Variants in TFCP2 observed in about 807,000 individuals in gnomAD.
The protein encoded by TFCP2 is alpha-globin transcription factor CP2.
Under a neutral mutation model 73.4 loss-of-function variants are expected in TFCP2, and 33 were observed. That is an observed-to-expected ratio of 0.45 (90% confidence interval 0.34 to 0.60). The LOEUF (loss-of-function observed/expected upper bound fraction) is 0.60, where lower values mean the gene tolerates loss of function less well. Among genes scored for constraint, TFCP2 ranks in the 20% least tolerant of loss-of-function variants. The pLI is 0.01. For synonymous variants in TFCP2, 193 were observed against 211.6 expected, an observed-to-expected ratio of 0.91 and a Z score of 0.76; for missense variants, 352 against 604.0, an observed-to-expected ratio of 0.58 and a Z score of 4.37.
intron 1 of TFCP2, among the ~76,000 whole-genome samples, chr12:51,156,365 T>TA (rs1941538222): frequency 1.3e-5 from 2 of 151,838 alleles, no homozygotes; most frequent in Admixed American, 1.3e-4. Flanking sequence ...GTGCCACACT[T>TA]AAACAACCAG....
At chr12:51,151,019 G>A (rs1043932722) in intron 1 of TFCP2, among the ~76,000 whole-genome samples, 1 of 152,116 alleles carries the variant, frequency 6.6e-6, no homozygotes. Flanking sequence ...GGGGGAGGAG[G>A]CTCTTGCTAT....
At chr12:51,135,421 T>TCA (rs1173863052) in intron 1 of TFCP2, among the ~76,000 whole-genome samples, 8 of 47,544 alleles carry the variant, frequency 1.7e-4, no homozygotes, top group Non-Finnish European at 4.0e-4. Context: ...AGTGAGACTG[T>TCA]CACACACACA....
intron 10 of TFCP2, 40 bp downstream of exon 10, chr12:51,103,630 A>T: frequency 6.4e-7 from 1 of 1,568,058 alleles, no homozygotes; most frequent in Non-Finnish European, 8.8e-7. Context: ...GCAAAGGAAA[A>T]TTTCATGCTA....
At chr12:51,128,981 T>A (rs1940878507) in intron 1 of TFCP2, among the ~76,000 whole-genome samples, 2 of 152,022 alleles carry the variant, frequency 1.3e-5, no homozygotes, top group Non-Finnish European at 2.9e-5. Flanking sequence ...TATAAAGTCA[T>A]AAGCTTAGAA....
intron 14 of TFCP2, 92 bp from the exon 15 acceptor site, chr12:51,095,370 G>T (rs1448067569): frequency 1.0e-5 from 14 of 1,361,598 alleles, no homozygotes; most frequent in African/African-American, 1.4e-5. Context: ...CGTGAGAAGG[G>T]GAGAAAAGGG....
At chr12:51,167,790 G>T (rs11169731) in intron 1 of TFCP2, among the ~76,000 whole-genome samples, 1 of 151,968 alleles carries the variant, frequency 6.6e-6, no homozygotes. Flanking sequence ...CCTGGGAACC[G>T]CGGCTGACAT....
intron 1 of TFCP2, among the ~76,000 whole-genome samples, chr12:51,132,659 G>A (rs529841036): frequency 7.2e-5 from 11 of 152,028 alleles, no homozygotes; most frequent in East Asian, 3.9e-4. Flanking sequence ...ATGAGCCACC[G>A]TGCCCGGCCG....
intron 8 of TFCP2, among the ~76,000 whole-genome samples, chr12:51,105,434 C>T (rs1293313627): frequency 6.6e-6 from 1 of 152,146 alleles, no homozygotes; most frequent in African/African-American, 2.4e-5. Flanking sequence ...TGTCCCTCTT[C>T]CCTAATGCCT....
intron 1 of TFCP2, among the ~76,000 whole-genome samples, chr12:51,131,100 C>A (rs922105169): frequency 6.6e-6 from 1 of 150,586 alleles, no homozygotes; most frequent in Non-Finnish European, 1.5e-5. Flanking sequence ...GAGGCCGAGG[C>A]GGGCGGATCA....
intron 13 of TFCP2, 126 bp from the exon 14 acceptor site, chr12:51,096,166 G>GT: frequency 1.5e-6 from 1 of 677,500 alleles, no homozygotes; most frequent in Non-Finnish European, 2.4e-6. Context: ...CACAAATAAT[G>GT]TATTTCTTGA....
rs34031215 is a variant in TFCP2 at position 51,121,469 on chromosome 12, A to ATT, written c.123-2699_123-2698dup. On this transcript the variant is annotated intron_variant, in intron 1 of 14. Transcript: ENST00000257915. The stretch of plus-strand genomic sequence containing the variant: ...AAGATCAGAAGTCAGGAATCCAGTG[A>ATT]TTTTTTTTTTTTTTTTAAGACAGTC... 1.9e-3 allele frequency among the ~76,000 whole-genome samples: 267 copies of ATT among 137,166 alleles called. 1 individual carries two copies. Among genetic ancestry groups the ATT allele is most frequent in the Middle Eastern group, 3.8e-3 (1 of 264 alleles). 90.0% of individuals were successfully genotyped at this position (137,166 alleles called of 152,430 possible).
At chr12:51,157,665 T>C (rs1481352101) in intron 1 of TFCP2, among the ~76,000 whole-genome samples, 1 of 147,790 alleles carries the variant, frequency 6.8e-6, no homozygotes, top group African/African-American at 2.5e-5. Flanking sequence ...TTTCAGTAAT[T>C]TGAGTTTTTT....
chr12:51,149,428 AGAAG>A (rs1941373704), intron 1 of TFCP2, among the ~76,000 whole-genome samples: 1 of 152,132 alleles, frequency 6.6e-6, no homozygotes, highest in Non-Finnish European at 1.5e-5. Flanking sequence ...AAAAAAAAGT[AGAAG>A]GAAGGAATGG....
intron 1 of TFCP2, among the ~76,000 whole-genome samples, chr12:51,143,936 T>C (rs943071499): frequency 6.6e-6 from 1 of 152,230 alleles, no homozygotes; most frequent in Non-Finnish European, 1.5e-5. Context: ...ATTGAAAGGC[T>C]GGATACATAT....
chr12:51,140,393 G>C (rs1018519709), intron 1 of TFCP2, among the ~76,000 whole-genome samples: 1 of 145,958 alleles, frequency 6.9e-6, no homozygotes, highest in South Asian at 2.2e-4. Context: ...GTGAGACTCT[G>C]TCTTTCTTCC....
chr12:51,165,013 C>A (rs527640850), intron 1 of TFCP2, among the ~76,000 whole-genome samples: 1 of 152,152 alleles, frequency 6.6e-6, no homozygotes, highest in African/African-American at 2.4e-5. Flanking sequence ...CACTTCCTAA[C>A]GTTCTATGAG....
intron 1 of TFCP2, among the ~76,000 whole-genome samples, chr12:51,152,940 T>C (rs933804896): frequency 1.3e-5 from 2 of 152,220 alleles, no homozygotes; most frequent in African/African-American, 2.4e-5. Flanking sequence ...GAAACTCTTA[T>C]AGCCACTGAA....
Position 51,138,660 on chromosome 12 carries a change from CAGGCTGGAGTGCAATGGTGAG to C in TFCP2, c.123-19909_123-19889del, listed in dbSNP as rs1268509221. On this transcript the variant is annotated intron_variant, in intron 1 of 14. Transcript: ENST00000257915. ...TGAGACCAAGTTTCGCTCTGTTGCC[CAGGCTGGAGTGCAATGGTGAG>C]AGGCTGGAGTGCAATGGCATGATCT... is the stretch of plus-strand genomic sequence containing the variant. 4.6e-5 allele frequency among the ~76,000 whole-genome samples: 7 copies of C among 152,070 alleles called. No homozygotes were observed. In the South Asian group the frequency reaches 8.3e-4, roughly 18 times the overall value.
Position 51,172,357 on chromosome 12 carries a change from A to G in TFCP2, c.66T>C (p.Phe22=), listed in dbSNP as rs1344299924. The change falls in exon 1 of 15, where the codon TTT becomes TTC. Residue 22 remains phenylalanine, a synonymous_variant. Coordinates refer to ENST00000257915, the MANE Select transcript of TFCP2 (RefSeq NM_005653.5). Reference sequence around the variant, plus strand: ...GGCCGATCCCGGACAGGCTAGCATCAAAGTCCTGCACCAACCCGGATTCAA... The same window carrying G: ...GGCCGATCCCGGACAGGCTAGCATCGAAGTCCTGCACCAACCCGGATTCAA... The part of the protein sequence containing the change: ...EVIESGLVQD[F]DASLSGIGQE... 7 of 1,614,122 alleles carry G rather than the reference A, an allele frequency of 4.3e-6. No individual in the cohort carries two copies. The highest frequency in any genetic ancestry group is 1.6e-4 in the Middle Eastern group (1 of 6,062).
Sources: allele counts gnomAD v4.1 joint callset (sites outside exome capture counted in the v4.1 genomes callset), GRCh38; gene constraint gnomAD v4.1.1; transcripts MANE v1.5; gene names NCBI Gene and HGNC (gene_info 2026-07-23, HGNC 2026-07-21).